Variants in PDE4DIP observed in about 807,000 individuals in gnomAD.
PDE4DIP encodes the protein phosphodiesterase 4D interacting protein.
PDE4DIP carries 59 observed loss-of-function variants against 221.4 expected under a neutral mutation model. The observed-to-expected ratio is 0.27, with a 90% confidence interval of 0.22 to 0.33. The LOEUF (loss-of-function observed/expected upper bound fraction) is 0.33, where lower values mean the gene tolerates loss of function less well. Among genes scored for constraint, PDE4DIP ranks in the 10% least tolerant of loss-of-function variants. The pLI is 1.00. For synonymous variants in PDE4DIP, 404 were observed against 815.9 expected (o/e 0.50, Z 8.60); for missense variants, 1,036 against 2,154.2 (o/e 0.48, Z 10.28).
At chr1:148,917,112 G>A (rs1459125077) in intron 1 of PDE4DIP, among the ~76,000 whole-genome samples, 35 of 149,642 alleles carry the variant, frequency 2.3e-4, no homozygotes, top group Admixed American at 2.3e-3. Context: ...CCTGGGGAGG[G>A]GAGAGAATCG....
intron 1 of PDE4DIP, among the ~76,000 whole-genome samples, chr1:148,828,651 T>G (rs1467601224): frequency 2.6e-5 from 4 of 151,474 alleles, no homozygotes; most frequent in African/African-American, 4.8e-5. Flanking sequence ...TTCACACAAG[T>G]CTTCCCTCAC....
In PDE4DIP at chr1:148,981,807, C is replaced by T. The variant is rs1553543521; in HGVS notation, c.2815+410C>T. 2.5e-5 allele frequency: 5 copies of T among 200,426 alleles called. No homozygotes were observed. In the East Asian group the frequency reaches 5.2e-4, roughly 21 times the overall value. The allele number at this position is 200,426 out of a possible 1,614,324, so 12.4% of individuals were successfully genotyped here. On this transcript the variant is annotated intron_variant, in intron 21 of 43. Coordinates refer to ENST00000369354, the Ensembl canonical transcript of PDE4DIP. ...ACAATCCATTTCATATGTTCCATAT[C>T]ATATCATAAATGCATGTGTGTGTAT...
At chr1:148,820,715 G>C (rs1336931709) in intron 1 of PDE4DIP, among the ~76,000 whole-genome samples, 2 of 89,972 alleles carry the variant, frequency 2.2e-5, no homozygotes, top group African/African-American at 1.6e-4. Flanking sequence ...CTTTTTTTTT[G>C]GGGGGGGGGT....
At chr1:148,918,622 T>TACACAC (rs57116412) in intron 1 of PDE4DIP, among the ~76,000 whole-genome samples, 4,660 of 91,312 alleles carry the variant, frequency 0.051, 392 homozygotes, top group Non-Finnish European at 0.066. Context: ...TCTCTCTCTC[T>TACACAC]ACACACACAC....
intron 1 of PDE4DIP, among the ~76,000 whole-genome samples, chr1:148,919,238 G>A (rs1208208869): frequency 6.0e-5 from 9 of 150,790 alleles, no homozygotes; most frequent in Admixed American, 2.6e-4. Context: ...TCACATAAGC[G>A]TAAAAGATGA....
intron 1 of PDE4DIP, among the ~76,000 whole-genome samples, chr1:148,903,186 G>T (rs2149629860): frequency 7.4e-6 from 1 of 134,724 alleles, no homozygotes; most frequent in Non-Finnish European, 1.6e-5. Context: ...TCATATGTTT[G>T]TTGGCCATCT....
At chr1:148,962,385 G>A (rs587758485) in intron 8 of PDE4DIP, 43 bp from the exon 12 acceptor site, 5 of 1,294,588 alleles carry the variant, frequency 3.9e-6, no homozygotes, top group Admixed American at 3.5e-5. Context: ...TGGGAGCTCA[G>A]TGCTTGCCCT....
intron 1 of PDE4DIP, among the ~76,000 whole-genome samples, chr1:148,923,596 CT>C (rs1335201277): frequency 0.062 from 8,949 of 144,576 alleles, 1,947 homozygotes; most frequent in African/African-American, 0.22. Context: ...GCCTCAGCCT[CT>C]CAAGTAGCTG....
intron 17 of PDE4DIP, among the ~76,000 whole-genome samples, chr1:148,977,565 A>C (rs879952868): frequency 3.4e-5 from 5 of 148,936 alleles, no homozygotes; most frequent in Non-Finnish European, 7.4e-5. Context: ...TAAGGGTTGC[A>C]AAATGGAGAT....
rs1254188127 is a variant in PDE4DIP, at chr1:149,000,591, C to T, written c.3138-1000C>T. On this transcript the variant is annotated intron_variant, in intron 23 of 43. Coordinates refer to ENST00000369354, the Ensembl canonical transcript of PDE4DIP. Reference sequence around the variant, plus strand: ...TAAATAAATAAAAATTAAAAAATCACCTGTGGAACTTAAGTAAAATGTGGA... The same window carrying T: ...TAAATAAATAAAAATTAAAAAATCATCTGTGGAACTTAAGTAAAATGTGGA... 2.0e-5 allele frequency among the ~76,000 whole-genome samples: 3 copies of T among 151,858 alleles called. No individual in the cohort carries two copies. In the East Asian group the frequency reaches 5.8e-4, roughly 30 times the overall value.
chr1:148,917,443 G>T (rs1279980952), intron 1 of PDE4DIP, among the ~76,000 whole-genome samples: 1 of 146,076 alleles, frequency 6.8e-6, no homozygotes, highest in African/African-American at 2.6e-5. Context: ...AATGAGATAG[G>T]GTCTTTCTAT....
At chr1:148,968,844 T>C (rs2058662862) in exon 14 of PDE4DIP, 1 of 1,611,826 alleles carries the variant, frequency 6.2e-7, no homozygotes, top group Admixed American at 1.7e-5. Context: ...AGGATCTTAG[T>C]GCAACACTGC....
intron 1 of PDE4DIP, among the ~76,000 whole-genome samples, chr1:148,862,340 G>A (rs1182210613): frequency 3.4e-5 from 5 of 148,506 alleles, no homozygotes; most frequent in African/African-American, 1.2e-4. Context: ...TCAAGCATGG[G>A]CTTGAGAAGT....
At chr1:148,830,373 C>T (rs1671675518) in intron 1 of PDE4DIP, among the ~76,000 whole-genome samples, 1 of 55,582 alleles carries the variant, frequency 1.8e-5, no homozygotes, top group Non-Finnish European at 3.5e-5. Flanking sequence ...CATCCTCCTC[C>T]AAACCCTCCT....
chr1:148,967,777 AC>A lies in PDE4DIP; in HGVS notation c.1658del (p.Thr553IlefsTer9). 1 of 1,429,526 alleles carries A rather than the reference AC, an allele frequency of 7.0e-7. No homozygotes were observed. Among genetic ancestry groups the A allele is most frequent in the Non-Finnish European group, 9.9e-7 (1 of 1,011,476 alleles). The allele number at this position is 1,429,526 out of a possible 1,614,324, so 88.6% of individuals were successfully genotyped here. On this transcript the variant is annotated frameshift_variant, in exon 13 of 44. Coordinates refer to ENST00000369354, the Ensembl canonical transcript of PDE4DIP. LOFTEE classifies it high-confidence loss of function. ...AGGCCTGGAAGTGGAACAGTTATCT[AC>A]TACCTGTCAAAACCTCCAGTGGCTG...
intron 1 of PDE4DIP, among the ~76,000 whole-genome samples, chr1:148,821,912 G>T (rs1669371645): frequency 1.3e-5 from 2 of 149,616 alleles, no homozygotes; most frequent in Non-Finnish European, 1.5e-5. Flanking sequence ...AGTGGGGCTG[G>T]TAAGAAGAGA....
chr1:148,960,106 CTT>C (rs1442419281), intron 5 of PDE4DIP, among the ~76,000 whole-genome samples: 3 of 152,306 alleles, frequency 2.0e-5, no homozygotes, highest in African/African-American at 7.2e-5. Flanking sequence ...AAGGACATCT[CTT>C]ATATAATTAC....
intron 19 of PDE4DIP, 113 bp from the exon 23 acceptor site, chr1:148,979,624 G>C: frequency 1.2e-6 from 1 of 869,552 alleles, no homozygotes; most frequent in African/African-American, 1.7e-5. Flanking sequence ...AAAAGCTTAA[G>C]TACTAAGATA....
intron 4 of PDE4DIP, among the ~76,000 whole-genome samples, chr1:148,936,816 C>G (rs1317105659): frequency 6.6e-6 from 1 of 151,902 alleles, no homozygotes; most frequent in African/African-American, 2.4e-5. Context: ...TCACTGTCTT[C>G]CACCTTTACA....
Sources: allele counts gnomAD v4.1 joint callset (sites outside exome capture counted in the v4.1 genomes callset), GRCh38; gene constraint gnomAD v4.1.1; transcripts MANE v1.5; gene names NCBI Gene and HGNC (gene_info 2026-07-23, HGNC 2026-07-21).